Variants in OCA2 observed in about 807,000 individuals in gnomAD.
The protein encoded by OCA2 is P protein.
Under a neutral mutation model 100.2 loss-of-function variants are expected in OCA2, and 77 were observed. That is an observed-to-expected ratio of 0.77 (90% CI 0.64 to 0.93). OCA2 has a LOEUF of 0.93. Ranked by LOEUF, OCA2 falls within the 40% of genes least tolerant of loss-of-function variation. The probability of loss-of-function intolerance (pLI) is 0.00; values close to 1 mark genes in which losing one functional copy is unlikely to be tolerated. For missense variants in OCA2, 1,062 were observed against 1,089.1 expected, an observed-to-expected ratio of 0.98 and a Z score of 0.35; for synonymous variants, 432 against 439.2, an observed-to-expected ratio of 0.98 and a Z score of 0.21.
In OCA2 at chr15:27,871,169, C is replaced by A. The variant is rs41307118; in HGVS notation, c.2229G>T (p.Pro743=). The A allele has an allele frequency of 1.2e-6, 2 of 1,613,466 alleles. No individual in the cohort carries two copies. Among genetic ancestry groups the A allele is most frequent in the East Asian group, 2.2e-5 (1 of 44,890 alleles). ...TGCAACTCACCATGGTAGCAGTGAACGGGATGTTGTCAATCAGGGACGACG... is the reference window on the plus strand; with the variant it reads ...TGCAACTCACCATGGTAGCAGTGAAAGGGATGTTGTCAATCAGGGACGACG... ...ALASSLIDNI[P]FTATMIPVLL... is the part of the protein sequence containing the mutation. The change falls in exon 21 of 24, where the codon CCG becomes CCT. Residue 743 remains proline (P), a synonymous_variant. Transcript: ENST00000354638.
intron 19 of OCA2, among the ~76,000 whole-genome samples, chr15:27,874,821 T>A (rs1483527753): frequency 6.6e-6 from 1 of 151,814 alleles, no homozygotes; most frequent in Non-Finnish European, 1.5e-5. Context: ...CTCAATCAAA[T>A]CAAATAGTCA....
intron 2 of OCA2, among the ~76,000 whole-genome samples, chr15:28,042,670 A>G (rs1006707355): frequency 7.8e-6 from 1 of 128,284 alleles, no homozygotes; most frequent in Non-Finnish European, 1.6e-5. Flanking sequence ...AAATAAATAA[A>G]TAAATAAATA....
intron 9 of OCA2, among the ~76,000 whole-genome samples, chr15:27,999,468 A>G (rs560530045): frequency 1.1e-3 from 173 of 152,338 alleles, no homozygotes; most frequent in Admixed American, 1.7e-3. Context: ...ATGTACCACA[A>G]CGTAATAAAG....
chr15:27,978,671 TAG>T (rs1023100555), intron 14 of OCA2, among the ~76,000 whole-genome samples: 1 of 151,118 alleles, frequency 6.6e-6, no homozygotes, highest in Non-Finnish European at 1.5e-5. Flanking sequence ...TGTATATATA[TAG>T]AGAGAGAGAG....
At chr15:27,768,838 C>T (rs1206100125) in intron 23 of OCA2, among the ~76,000 whole-genome samples, 2 of 152,212 alleles carry the variant, frequency 1.3e-5, no homozygotes, top group Non-Finnish European at 1.5e-5. Flanking sequence ...CAGCTCTTTC[C>T]CTGGCACTTC....
At chr15:27,976,534 T>A (rs2040971855) in intron 14 of OCA2, among the ~76,000 whole-genome samples, 2 of 152,190 alleles carry the variant, frequency 1.3e-5, no homozygotes, top group South Asian at 4.1e-4. Context: ...CTCATTTAGT[T>A]TGTTAGTATA....
At chr15:27,984,053 A>G (rs1329150272) in intron 13 of OCA2, among the ~76,000 whole-genome samples, 6 of 151,720 alleles carry the variant, frequency 4.0e-5, no homozygotes, top group Admixed American at 3.3e-4. Context: ...TCACATAATC[A>G]AACCAGGTAA....
At chr15:28,034,488 A>G (rs2042992549) in intron 2 of OCA2, among the ~76,000 whole-genome samples, 1 of 152,182 alleles carries the variant, frequency 6.6e-6, no homozygotes, top group African/African-American at 2.4e-5. Context: ...TAAATACTCA[A>G]TAATGAGCCG....
chr15:27,760,784 G>C, intron 23 of OCA2, among the ~76,000 whole-genome samples: 1 of 152,040 alleles, frequency 6.6e-6, no homozygotes, highest in East Asian at 1.9e-4. Flanking sequence ...GGTAGTTAGA[G>C]ACCTTCCAAA....
chr15:27,914,057 C>T (rs2038570940), intron 19 of OCA2, among the ~76,000 whole-genome samples: 1 of 152,044 alleles, frequency 6.6e-6, no homozygotes, highest in South Asian at 2.1e-4. Context: ...TAGGCTCTAT[C>T]TCTTAGATGC....
chr15:28,001,604 G>C (rs2041928095), intron 9 of OCA2, among the ~76,000 whole-genome samples: 2 of 152,196 alleles, frequency 1.3e-5, no homozygotes, highest in African/African-American at 4.8e-5. Context: ...TTGTGTGTCT[G>C]TGAAGGAGGA....
At chr15:27,914,871 A>C (rs993988331) in intron 19 of OCA2, among the ~76,000 whole-genome samples, 10 of 152,140 alleles carry the variant, frequency 6.6e-5, no homozygotes, top group Admixed American at 1.3e-4. Context: ...ATTGCAAAAT[A>C]TATATGGAAC....
At chr15:27,730,596 G>A in the OCA2 span, among the ~76,000 whole-genome samples, 1 of 151,750 alleles carries the variant, frequency 6.6e-6, no homozygotes, top group African/African-American at 2.4e-5. Context: ...GGTGTTGCTG[G>A]CAGCCAGCCT....
chr15:27,845,376 A>G (rs936366190), intron 22 of OCA2, among the ~76,000 whole-genome samples: 1 of 152,184 alleles, frequency 6.6e-6, no homozygotes, highest in African/African-American at 2.4e-5. Flanking sequence ...GCCAACAACC[A>G]AAGCCCAGAA....
At chr15:27,852,030 G>A (rs888530992) in intron 21 of OCA2, among the ~76,000 whole-genome samples, 4 of 152,190 alleles carry the variant, frequency 2.6e-5, no homozygotes, top group African/African-American at 4.8e-5. Flanking sequence ...CAGGCACCCT[G>A]AGCCTGCTAA....
At chr15:27,845,077 A>C in intron 22 of OCA2, 25 bp from the exon 23 acceptor site, 1 of 1,530,722 alleles carries the variant, frequency 6.5e-7, no homozygotes, top group South Asian at 1.1e-5. Flanking sequence ...TAAAAACAAA[A>C]TCCCAGTTCA....
intron 2 of OCA2, among the ~76,000 whole-genome samples, chr15:28,050,509 C>T (rs28435540): frequency 0.23 from 33,478 of 148,696 alleles, 5,223 homozygotes; most frequent in African/African-American, 0.44. Context: ...TGAAGTGAGT[C>T]GAGATCGTGC....
At chr15:27,734,837 T>C in the OCA2 span, among the ~76,000 whole-genome samples, 4 of 152,140 alleles carry the variant, frequency 2.6e-5, no homozygotes, top group Non-Finnish European at 4.4e-5. Flanking sequence ...GCTCAAAATC[T>C]CTAAACAGGT....
intron 9 of OCA2, among the ~76,000 whole-genome samples, chr15:28,003,076 G>A (rs960862924): frequency 6.6e-6 from 1 of 152,216 alleles, no homozygotes. Flanking sequence ...GTGGGCCTGC[G>A]GGTCCGCGTC....
Sources: gnomAD v4.1 joint callset for allele counts (sites outside exome capture counted in the v4.1 genomes callset) on GRCh38, gnomAD v4.1.1 for gene constraint, MANE v1.5 for transcripts, NCBI Gene and HGNC (gene_info 2026-07-23, HGNC 2026-07-21) for gene names.